Variants in OLFM3 observed in about 807,000 individuals in gnomAD.
The protein encoded by OLFM3 is noelin-3.
OLFM3 carries 20 observed loss-of-function variants against 48.6 expected under a neutral mutation model. That is an observed-to-expected ratio of 0.41 (90% CI 0.29 to 0.60). OLFM3 has a LOEUF of 0.60. Ranked by LOEUF, OLFM3 falls within the 20% of genes least tolerant of loss-of-function variation. The probability of loss-of-function intolerance (pLI) is 0.28; values close to 1 mark genes in which losing one functional copy is unlikely to be tolerated. For synonymous variants in OLFM3, 222 were observed against 198.1 expected (o/e 1.12, Z -1.01); for missense variants, 437 against 544.3 (o/e 0.80, Z 1.96).
At chr1:101,845,638 TA>T (rs1198911219) in intron 1 of OLFM3, among the ~76,000 whole-genome samples, 4 of 152,222 alleles carry the variant, frequency 2.6e-5, no homozygotes, top group African/African-American at 9.6e-5. Context: ...GCTTTCTTTA[TA>T]ACTCCAAATC....
intron 4 of OLFM3, among the ~76,000 whole-genome samples, chr1:101,818,822 T>A (rs1208265390): frequency 6.6e-6 from 1 of 152,148 alleles, no homozygotes; most frequent in East Asian, 1.9e-4. Flanking sequence ...TTGACACACA[T>A]TGATTTATTT....
chr1:101,876,067 A>G (rs1657288202), intron 1 of OLFM3, among the ~76,000 whole-genome samples: 1 of 152,022 alleles, frequency 6.6e-6, no homozygotes, highest in African/African-American at 2.4e-5. Flanking sequence ...GAATTTCACA[A>G]CATAAGAATG....
intron 2 of OLFM3, 126 bp downstream of exon 2, chr1:101,836,753 A>T: frequency 2.2e-6 from 2 of 922,600 alleles, no homozygotes; most frequent in Non-Finnish European, 3.3e-6. Flanking sequence ...CAGAAAAAAA[A>T]GCTTATCTGA....
chr1:101,850,986 T>C (rs562357445), intron 1 of OLFM3, among the ~76,000 whole-genome samples: 12 of 152,204 alleles, frequency 7.9e-5, no homozygotes, highest in Non-Finnish European at 1.5e-4. Flanking sequence ...TGAACTGTAT[T>C]GACTGATTAA....
chr1:101,828,079 T>TCTCG, intron 3 of OLFM3, among the ~76,000 whole-genome samples: 1 of 151,428 alleles, frequency 6.6e-6, no homozygotes, highest in African/African-American at 2.4e-5. Context: ...TCTCTCTCTC[T>TCTCG]CCTCCTGCCT....
chr1:101,947,554 G>A lies in OLFM3; in HGVS notation c.69+49194C>T, dbSNP rs149821805. 4.4e-3 allele frequency among the ~76,000 whole-genome samples: 664 copies of A among 152,098 alleles called. 8 individuals carry two copies. The highest frequency in any genetic ancestry group is 0.015 in the African/African-American group (633 of 41,502). ...GAGGCTGAGGAGGGAGGATTGGTTG[G>A]GGCTGGATTTCAAGTCCAGCCTGGA... On this transcript the variant is annotated intron_variant, in intron 1 of 5. Coordinates refer to ENST00000370103, the MANE Select transcript of OLFM3 (RefSeq NM_058170.4).
At chr1:101,919,765 A>T (rs913614726) in intron 1 of OLFM3, among the ~76,000 whole-genome samples, 4 of 152,134 alleles carry the variant, frequency 2.6e-5, no homozygotes, top group African/African-American at 9.7e-5. Flanking sequence ...TTCAGTCTGT[A>T]TCTCTTCCTG....
chr1:101,837,593 C>G (rs1332342387), intron 1 of OLFM3: 1 of 151,592 alleles, frequency 6.6e-6, no homozygotes, highest in Admixed American at 6.6e-5. Flanking sequence ...TCTTAGAGGA[C>G]TTAGAGTTTT....
At chr1:101,873,835 C>G (rs947524637) in intron 1 of OLFM3, among the ~76,000 whole-genome samples, 1 of 151,746 alleles carries the variant, frequency 6.6e-6, no homozygotes. Context: ...TGATGCAATA[C>G]TTCCTCATCA....
intron 2 of OLFM3, among the ~76,000 whole-genome samples, chr1:101,836,204 C>A (rs1429770947): frequency 6.6e-6 from 1 of 152,186 alleles, no homozygotes; most frequent in Non-Finnish European, 1.5e-5. Context: ...GAGCCCAGCA[C>A]AGTGAAAGTC....
chr1:101,850,072 C>T (rs1656162595), intron 1 of OLFM3, among the ~76,000 whole-genome samples: 1 of 152,080 alleles, frequency 6.6e-6, no homozygotes, highest in South Asian at 2.1e-4. Flanking sequence ...TTAAAACTAC[C>T]ACAATTTTCA....
chr1:101,936,838 A>G (rs1050443213), intron 1 of OLFM3, among the ~76,000 whole-genome samples: 1 of 152,216 alleles, frequency 6.6e-6, no homozygotes, highest in Non-Finnish European at 1.5e-5. Context: ...GACAAAGTCG[A>G]CAAAAGCAAG....
At chr1:101,892,519 T>G (rs545081460) in intron 1 of OLFM3, among the ~76,000 whole-genome samples, 13 of 152,112 alleles carry the variant, frequency 8.5e-5, no homozygotes, top group Non-Finnish European at 1.5e-4. Flanking sequence ...TAACAAATTT[T>G]TAAAAATTAA....
chr1:101,973,151 C>T (rs146815193), intron 1 of OLFM3, among the ~76,000 whole-genome samples: 30 of 152,308 alleles, frequency 2.0e-4, no homozygotes, highest in African/African-American at 7.2e-4. Context: ...GGAACTGGCT[C>T]ATATAATTAT....
At chr1:101,826,382 A>G (rs547242158) in intron 3 of OLFM3, among the ~76,000 whole-genome samples, 1 of 152,284 alleles carries the variant, frequency 6.6e-6, no homozygotes, top group Non-Finnish European at 1.5e-5. Flanking sequence ...AAATAATGTC[A>G]TTTGTGGAAA....
At chr1:101,805,304 C>T (rs888868719) in intron 5 of OLFM3, among the ~76,000 whole-genome samples, 8 of 151,812 alleles carry the variant, frequency 5.3e-5, no homozygotes, top group Admixed American at 5.3e-4. Flanking sequence ...TATTCTATCC[C>T]TTGCTCTGAA....
At chr1:101,847,172 A>G (rs1656037774) in intron 1 of OLFM3, 4 of 483,408 alleles carry the variant, frequency 8.3e-6, no homozygotes, top group African/African-American at 2.1e-5. Context: ...TTCCTCCCTT[A>G]CCAGACATTT....
chr1:101,911,216 A>T (rs1443423322), intron 1 of OLFM3, among the ~76,000 whole-genome samples: 1 of 152,168 alleles, frequency 6.6e-6, no homozygotes, highest in African/African-American at 2.4e-5. Flanking sequence ...CTTAAGATAA[A>T]TATGGTTATA....
At chr1:101,938,952 T>C (rs1659705892) in intron 1 of OLFM3, among the ~76,000 whole-genome samples, 1 of 152,208 alleles carries the variant, frequency 6.6e-6, no homozygotes, top group African/African-American at 2.4e-5. Flanking sequence ...AGACTGGGAC[T>C]GAAGAGAGGC....
Sources: allele counts gnomAD v4.1 joint callset (sites outside exome capture counted in the v4.1 genomes callset), GRCh38; gene constraint gnomAD v4.1.1; transcripts MANE v1.5; gene names NCBI Gene and HGNC (gene_info 2026-07-23, HGNC 2026-07-21).